Variants in KCNIP1 observed in about 807,000 individuals in gnomAD.
KCNIP1 encodes A-type potassium channel modulatory protein KCNIP1.
A neutral mutation model predicts 33.0 loss-of-function variants in KCNIP1; 18 were observed. The observed-to-expected ratio is 0.55, with a 90% CI of 0.38 to 0.81. KCNIP1 has a LOEUF of 0.81. Ranked by LOEUF, KCNIP1 falls within the 30% of genes least tolerant of loss-of-function variation. The pLI, the probability that KCNIP1 is intolerant of heterozygous loss-of-function variation, is 0.00. For synonymous variants in KCNIP1, 93 were observed against 98.3 expected (o/e 0.95, Z 0.32); for missense variants, 238 against 271.6 (o/e 0.88, Z 0.87).
At chr5:170,471,962 G>A (rs1216147789) in intron 1 of KCNIP1, among the ~76,000 whole-genome samples, 1 of 152,178 alleles carries the variant, frequency 6.6e-6, no homozygotes, top group East Asian at 1.9e-4. Context: ...TGGGAGGCAT[G>A]AAGGCTATGG....
At chr5:170,436,808 C>T (rs1755875137) in intron 1 of KCNIP1, among the ~76,000 whole-genome samples, 1 of 152,192 alleles carries the variant, frequency 6.6e-6, no homozygotes, top group African/African-American at 2.4e-5. Context: ...AGCCCACAAG[C>T]CCTCTCATGG....
intron 1 of KCNIP1, among the ~76,000 whole-genome samples, chr5:170,437,242 C>T (rs917728424): frequency 2.0e-5 from 3 of 152,148 alleles, no homozygotes; most frequent in Admixed American, 6.5e-5. Context: ...GGTTTCATGA[C>T]CCACTTGAGA....
intron 1 of KCNIP1, among the ~76,000 whole-genome samples, chr5:170,505,597 C>A (rs1017118493): frequency 1.3e-5 from 2 of 152,144 alleles, no homozygotes; most frequent in East Asian, 3.9e-4. Context: ...AAGCTCCTAC[C>A]CTACAGGCCT....
intron 1 of KCNIP1, among the ~76,000 whole-genome samples, chr5:170,454,390 G>A (rs1232314285): frequency 6.6e-6 from 1 of 152,168 alleles, no homozygotes; most frequent in Non-Finnish European, 1.5e-5. Flanking sequence ...CAAAGAGATT[G>A]GCATTAAATG....
intron 1 of KCNIP1, among the ~76,000 whole-genome samples, chr5:170,405,297 C>T (rs1456330343): frequency 2.0e-5 from 3 of 151,978 alleles, no homozygotes; most frequent in Non-Finnish European, 2.9e-5. Flanking sequence ...AGGTATCAAG[C>T]GATTCTCCTA....
At chr5:170,430,886 C>A (rs79613364) in intron 1 of KCNIP1, among the ~76,000 whole-genome samples, 3,432 of 152,284 alleles carry the variant, frequency 0.023, 107 homozygotes, top group Admixed American at 0.084. Flanking sequence ...CATAGATGAG[C>A]GGCCAGCCTG....
At chr5:170,503,406 A>AAG (rs1334060736), upstream of KCNIP1, among the ~76,000 whole-genome samples, 10 of 148,976 alleles carry the variant, frequency 6.7e-5, no homozygotes, top group East Asian at 1.4e-3. Context: ...AAAAAAAAAA[A>AAG]AAAGAAAAAG....
chr5:170,468,422 G>A lies in KCNIP1; in HGVS notation c.88+114458G>A, dbSNP rs149011644. The stretch of plus-strand genomic sequence containing the variant: ...GACCTATAAATAAATAATAAGATTC[G>A]TAAGCTGAATTTCAAAGCTTATGGA... On this transcript the variant is annotated intron_variant, in intron 1 of 7. Transcript: ENST00000377360. Among the ~76,000 whole-genome samples, 203 of 152,236 alleles carry A rather than the reference G, an allele frequency of 1.3e-3. 1 individual carries two copies. The highest frequency in any genetic ancestry group is 6.8e-3 in the Middle Eastern group (2 of 294).
chr5:170,658,256 C>T (rs1761345147), intron 1 of KCNIP1, among the ~76,000 whole-genome samples: 1 of 152,120 alleles, frequency 6.6e-6, no homozygotes, highest in South Asian at 2.1e-4. Flanking sequence ...TTGGAAGTCC[C>T]AGGTTGAGGG....
chr5:170,469,785 A>T (rs1756683270), intron 1 of KCNIP1, among the ~76,000 whole-genome samples: 1 of 152,128 alleles, frequency 6.6e-6, no homozygotes, highest in Non-Finnish European at 1.5e-5. Context: ...TGGCCTTTCC[A>T]TTCTCTTCCA....
chr5:170,523,824 CT>C (rs1202821935), intron 1 of KCNIP1, among the ~76,000 whole-genome samples: 1 of 152,200 alleles, frequency 6.6e-6, no homozygotes, highest in African/African-American at 2.4e-5. Context: ...CTACCCCAGT[CT>C]GCCTCTCAGT....
intron 1 of KCNIP1, among the ~76,000 whole-genome samples, chr5:170,436,564 T>C (rs985030693): frequency 6.6e-6 from 1 of 152,158 alleles, no homozygotes; most frequent in African/African-American, 2.4e-5. Context: ...CTGACCTCAG[T>C]AAATCTGAGA....
chr5:170,376,282 T>TC (rs1439447769), intron 1 of KCNIP1: 1 of 146,466 alleles, frequency 6.8e-6, no homozygotes, highest in Non-Finnish European at 1.5e-5. Context: ...TGCCTCAGCC[T>TC]CCTGAGCAGC....
chr5:170,540,086 C>T (rs967681676), intron 1 of KCNIP1, among the ~76,000 whole-genome samples: 4 of 151,814 alleles, frequency 2.6e-5, no homozygotes, highest in Non-Finnish European at 4.4e-5. Context: ...CTTTCACTGC[C>T]TGGGTCTGGG....
chr5:170,548,364 G>T (rs868365852), intron 1 of KCNIP1, among the ~76,000 whole-genome samples: 2 of 152,018 alleles, frequency 1.3e-5, no homozygotes, highest in Non-Finnish European at 2.9e-5. Flanking sequence ...TTGTTTTCTT[G>T]TGTGTTTTAC....
Position 170,652,437 on chromosome 5 carries a change from A to G in KCNIP1, c.62-66321A>G, listed in dbSNP as rs375819639. On this transcript the variant is annotated intron_variant, in intron 1 of 7. Coordinates refer to ENST00000328939, the MANE Select transcript of KCNIP1 (RefSeq NM_014592.4). ...GAGGCAGAGGTTGCAGTGAGCCCAG[A>G]TTGAACCACTGCACTCCAGCCTGGG... is the stretch of plus-strand genomic sequence containing the variant. Among the ~76,000 whole-genome samples, 5 of 147,338 alleles carry G rather than the reference A, an allele frequency of 3.4e-5. No individual in the cohort carries two copies. In the East Asian group the frequency reaches 8.6e-4, roughly 25 times the overall value.
intron 1 of KCNIP1, among the ~76,000 whole-genome samples, chr5:170,696,688 G>C (rs1762906857): frequency 6.6e-6 from 1 of 152,178 alleles, no homozygotes; most frequent in African/African-American, 2.4e-5. Context: ...TCAGGCATCT[G>C]ACATGCAAAG....
chr5:170,713,303 C>T (rs962932401), intron 1 of KCNIP1, among the ~76,000 whole-genome samples: 1 of 152,164 alleles, frequency 6.6e-6, no homozygotes, highest in Non-Finnish European at 1.5e-5. Flanking sequence ...AGCTTCAAGT[C>T]CTTTGTGCAA....
chr5:170,610,124 G>A (rs1174230486), intron 1 of KCNIP1, among the ~76,000 whole-genome samples: 1 of 152,178 alleles, frequency 6.6e-6, no homozygotes, highest in Admixed American at 6.5e-5. Context: ...AGCACTACCT[G>A]GGAACCTGTT....
Sources: allele counts gnomAD v4.1 joint callset (sites outside exome capture counted in the v4.1 genomes callset), GRCh38; gene constraint gnomAD v4.1.1; transcripts MANE v1.5; gene names NCBI Gene and HGNC (gene_info 2026-07-23, HGNC 2026-07-21).